Variants in PABPC4L observed in about 807,000 individuals in gnomAD.
PABPC4L encodes poly(A) binding protein cytoplasmic 4 like.
For synonymous variants in PABPC4L, 169 were observed against 164.1 expected, an observed-to-expected ratio of 1.03 and a Z score of -0.23; for missense variants, 452 against 451.4, an observed-to-expected ratio of 1.00 and a Z score of -0.01.
the PABPC4L span, among the ~76,000 whole-genome samples, chr4:134,071,359 G>A: frequency 6.6e-6 from 1 of 152,116 alleles, no homozygotes; most frequent in African/African-American, 2.4e-5. Context: ...GGTGGTAGAT[G>A]TTCCTTCTAG....
At chr4:134,095,425 T>C in the PABPC4L span, among the ~76,000 whole-genome samples, 1 of 152,042 alleles carries the variant, frequency 6.6e-6, no homozygotes, top group African/African-American at 2.4e-5. Flanking sequence ...TATGCATTTA[T>C]TTCTATGGTC....
the PABPC4L span, among the ~76,000 whole-genome samples, chr4:134,090,274 G>A: frequency 1.3e-5 from 2 of 151,966 alleles, no homozygotes; most frequent in African/African-American, 4.8e-5. Context: ...CTCCTTAATT[G>A]TTTGGTGTCT....
chr4:134,074,709 T>G, the PABPC4L span, among the ~76,000 whole-genome samples: 41 of 152,126 alleles, frequency 2.7e-4, no homozygotes, highest in Non-Finnish European at 3.5e-4. Context: ...CCCAGAAAAC[T>G]TACAATCATG....
chr4:134,142,229 A>T, the PABPC4L span, among the ~76,000 whole-genome samples: 2 of 151,786 alleles, frequency 1.3e-5, no homozygotes, highest in African/African-American at 2.4e-5. Flanking sequence ...GTAATTTTTT[A>T]AAATTATAAT....
chr4:134,083,435 T>G, the PABPC4L span, among the ~76,000 whole-genome samples: 1 of 152,144 alleles, frequency 6.6e-6, no homozygotes, highest in Admixed American at 6.6e-5. Context: ...ATATCCTGAT[T>G]GATTCTCACA....
At chr4:134,097,934 C>A in the PABPC4L span, among the ~76,000 whole-genome samples, 1 of 151,876 alleles carries the variant, frequency 6.6e-6, no homozygotes, top group East Asian at 1.9e-4. Flanking sequence ...ATCTTGATAA[C>A]AGGCAGTAGC....
the PABPC4L span, among the ~76,000 whole-genome samples, chr4:134,071,302 G>A: frequency 6.6e-6 from 1 of 152,042 alleles, no homozygotes; most frequent in East Asian, 1.9e-4. Context: ...GCCTTCCTCT[G>A]AAGATACACT....
chr4:134,136,592 T>C, the PABPC4L span, among the ~76,000 whole-genome samples: 1 of 152,206 alleles, frequency 6.6e-6, no homozygotes, highest in African/African-American at 2.4e-5. Flanking sequence ...GGATTCTTTT[T>C]AGATATTTAT....
chr4:133,979,585 G>A, the PABPC4L span, among the ~76,000 whole-genome samples: 1 of 152,166 alleles, frequency 6.6e-6, no homozygotes, highest in East Asian at 1.9e-4. Flanking sequence ...CCATAAAGAC[G>A]TCGTCCTAGC....
At chr4:134,058,002 G>T in the PABPC4L span, among the ~76,000 whole-genome samples, 2 of 151,896 alleles carry the variant, frequency 1.3e-5, no homozygotes, top group Non-Finnish European at 2.9e-5. Context: ...ATCAAATTGT[G>T]ACAAAAACAG....
chr4:134,111,696 T>A, the PABPC4L span, among the ~76,000 whole-genome samples: 6 of 151,926 alleles, frequency 3.9e-5, no homozygotes, highest in Non-Finnish European at 8.8e-5. Flanking sequence ...TCTCATGAGA[T>A]CCGATGGGTT....
the PABPC4L span, among the ~76,000 whole-genome samples, chr4:134,055,332 G>C: frequency 6.6e-6 from 1 of 152,006 alleles, no homozygotes; most frequent in East Asian, 1.9e-4. Flanking sequence ...GGTCTGGTAG[G>C]ACTGGTGTCC....
At chr4:134,012,508 A>G in the PABPC4L span, among the ~76,000 whole-genome samples, 1 of 152,032 alleles carries the variant, frequency 6.6e-6, no homozygotes, top group South Asian at 2.1e-4. Context: ...TCCCACCTCT[A>G]TCTCCCTTCG....
the PABPC4L span, among the ~76,000 whole-genome samples, chr4:133,960,498 A>T: frequency 6.6e-6 from 1 of 152,182 alleles, no homozygotes; most frequent in Non-Finnish European, 1.5e-5. Context: ...GGCCCAAGGA[A>T]AATGCCATAG....
the PABPC4L span, among the ~76,000 whole-genome samples, chr4:134,184,325 CA>C: frequency 7.9e-5 from 12 of 151,522 alleles, no homozygotes; most frequent in Non-Finnish European, 1.3e-4. Flanking sequence ...TTCATCATAA[CA>C]AAAAAAATTC....
chr4:134,148,255 C>T, the PABPC4L span, among the ~76,000 whole-genome samples: 1 of 152,062 alleles, frequency 6.6e-6, no homozygotes, highest in African/African-American at 2.4e-5. Context: ...GCTCAGAACC[C>T]CCTCAGGCTC....
At chr4:134,028,850 A>C in the PABPC4L span, among the ~76,000 whole-genome samples, 1 of 152,188 alleles carries the variant, frequency 6.6e-6, no homozygotes, top group Non-Finnish European at 1.5e-5. Context: ...TGATAAGGTC[A>C]GATCCTCAAG....
At chr4:134,098,159 C>T in the PABPC4L span, among the ~76,000 whole-genome samples, 4 of 151,736 alleles carry the variant, frequency 2.6e-5, no homozygotes, top group Non-Finnish European at 4.4e-5. Flanking sequence ...GGACAGGAGG[C>T]TAAGAGATTT....
chr4:133,997,514 A>G, the PABPC4L span, among the ~76,000 whole-genome samples: 2 of 152,124 alleles, frequency 1.3e-5, no homozygotes, highest in African/African-American at 4.8e-5. Flanking sequence ...AGAAAAAAAA[A>G]CCTTTTGTAT....
Sources: gnomAD v4.1 joint callset for allele counts (sites outside exome capture counted in the v4.1 genomes callset) on GRCh38, gnomAD v4.1.1 for gene constraint, MANE v1.5 for transcripts, NCBI Gene and HGNC (gene_info 2026-07-23, HGNC 2026-07-21) for gene names.